PCDH9: variants seen among roughly 807,000 people sequenced by gnomAD.
PCDH9 encodes protocadherin 9, also known as protocadherin-9.
In PCDH9, 24 loss-of-function variants were observed where a neutral mutation model predicts 70.6. The ratio of observed to expected loss-of-function variants is 0.34; its 90% confidence interval spans 0.25 to 0.48. The LOEUF (loss-of-function observed/expected upper bound fraction) is 0.48. PCDH9 is among the 20% of genes least tolerant of loss of function. The pLI is 0.99. For synonymous variants in PCDH9, 562 were observed against 558.5 expected (o/e 1.01, Z -0.09); for missense variants, 1,281 against 1,503.6 (o/e 0.85, Z 2.45).
chr13:66,454,824 C>T (rs572632673), intron 4 of PCDH9, among the ~76,000 whole-genome samples: 1 of 152,050 alleles, frequency 6.6e-6, no homozygotes, highest in African/African-American at 2.4e-5. Context: ...TACTAAATTT[C>T]GAACTTCTGA....
At position 67,029,816 on chromosome 13, in the gene PCDH9, T is replaced by C. The variant is rs543554283; in HGVS notation, c.3037-126211A>G. 6.6e-5 allele frequency among the ~76,000 whole-genome samples: 10 copies of C among 152,328 alleles called. No individual in the cohort carries two copies. The East Asian group carries it at 1.7e-3, about 26-fold the overall frequency. On this transcript the variant is annotated intron_variant, in intron 2 of 4. Coordinates refer to ENST00000377865, the MANE Select transcript of PCDH9 (RefSeq NM_203487.3). ...CAACTCAATATTTTTAGTTTTTCTA[T>C]ATTATGTTTTCATCTTTTCCAGGTA...
intron 3 of PCDH9, among the ~76,000 whole-genome samples, chr13:66,675,677 T>C (rs2078233019): frequency 6.6e-6 from 1 of 152,130 alleles, no homozygotes; most frequent in Non-Finnish European, 1.5e-5. Flanking sequence ...CCTTGTAGGA[T>C]GAGTAAGTAG....
At chr13:66,551,068 T>C (rs1233467230) in intron 4 of PCDH9, among the ~76,000 whole-genome samples, 1 of 152,170 alleles carries the variant, frequency 6.6e-6, no homozygotes, top group Non-Finnish European at 1.5e-5. Flanking sequence ...AGGGTGACTA[T>C]AGTTAATTTT....
chr13:67,053,794 A>C (rs1039171013), intron 2 of PCDH9, among the ~76,000 whole-genome samples: 4 of 152,234 alleles, frequency 2.6e-5, no homozygotes, highest in Non-Finnish European at 5.9e-5. Flanking sequence ...CCCATGTTTG[A>C]AGCAAAAATC....
In PCDH9 at chr13:66,850,473, T is replaced by G. The variant is rs1197427415; in HGVS notation, c.3138+53031A>C. ...TTGCAGTGACCTAAGATTGTGCCACTGCACTCCAGCCTGGGCAACAAGAGT... is the reference window on the plus strand; with the variant it reads ...TTGCAGTGACCTAAGATTGTGCCACGGCACTCCAGCCTGGGCAACAAGAGT... On this transcript the variant is annotated intron_variant, in intron 3 of 4. Transcript: ENST00000377865. Among the ~76,000 whole-genome samples, 3 of 150,412 alleles carry G rather than the reference T, an allele frequency of 2.0e-5. No individual in the cohort carries two copies. In the East Asian group the frequency reaches 5.9e-4, roughly 30 times the overall value.
At chr13:67,008,526 T>G (rs952137852) in intron 2 of PCDH9, among the ~76,000 whole-genome samples, 11 of 152,146 alleles carry the variant, frequency 7.2e-5, no homozygotes, top group Admixed American at 1.3e-4. Context: ...ATAGACTTTT[T>G]ACATAGATAT....
chr13:66,380,034 T>C (rs181756908), intron 4 of PCDH9, among the ~76,000 whole-genome samples: 2 of 152,284 alleles, frequency 1.3e-5, no homozygotes, highest in East Asian at 3.9e-4. Flanking sequence ...ATATTTCACT[T>C]AGAATATATA....
rs572015832 is a variant in PCDH9, at chr13:66,781,715, A to C, written c.3138+121789T>G. Among the ~76,000 whole-genome samples the C allele has an allele frequency of 1.2e-4, 18 of 152,288 alleles. No homozygotes were observed. In the East Asian group the frequency reaches 2.1e-3, roughly 18 times the overall value. ...AAACATATAAATTCATGTATTTTAA[A>C]AGGTATTTTTGAGATTTGGATGCTT... On this transcript the variant is annotated intron_variant, in intron 3 of 4. Transcript: ENST00000377865.
chr13:66,576,201 C>A (rs1424073948), intron 4 of PCDH9, among the ~76,000 whole-genome samples: 1 of 151,628 alleles, frequency 6.6e-6, no homozygotes, highest in Non-Finnish European at 1.5e-5. Context: ...CACTTTATTT[C>A]TTTGATAGTT....
At chr13:66,985,740 A>G (rs778621301) in intron 2 of PCDH9, 3 of 152,040 alleles carry the variant, frequency 2.0e-5, no homozygotes, top group Admixed American at 6.6e-5. Flanking sequence ...CAACTACAAA[A>G]GCATGTAAAT....
At chr13:67,018,804 G>T (rs1034132598) in intron 2 of PCDH9, among the ~76,000 whole-genome samples, 2 of 151,958 alleles carry the variant, frequency 1.3e-5, no homozygotes, top group Non-Finnish European at 2.9e-5. Flanking sequence ...ATGCATCCTC[G>T]CATACTGACG....
chr13:66,306,732 C>G (rs1955473329), intron 4 of PCDH9, among the ~76,000 whole-genome samples: 1 of 151,850 alleles, frequency 6.6e-6, no homozygotes, highest in Admixed American at 6.6e-5. Context: ...TTTGTTTAAA[C>G]ACATATTCAT....
intron 2 of PCDH9, among the ~76,000 whole-genome samples, chr13:66,927,653 C>T (rs1465786708): frequency 6.6e-6 from 1 of 152,034 alleles, no homozygotes; most frequent in African/African-American, 2.4e-5. Flanking sequence ...TCCTCTTTCT[C>T]CTTGGCTTAT....
chr13:66,916,431 A>G (rs1362182411), intron 2 of PCDH9, among the ~76,000 whole-genome samples: 1 of 151,594 alleles, frequency 6.6e-6, no homozygotes, highest in Non-Finnish European at 1.5e-5. Flanking sequence ...GCTTAACTCA[A>G]TATTAAAATG....
At chr13:66,943,396 T>C (rs1406575706) in intron 2 of PCDH9, among the ~76,000 whole-genome samples, 2 of 152,036 alleles carry the variant, frequency 1.3e-5, no homozygotes, top group Non-Finnish European at 2.9e-5. Flanking sequence ...ATTTTCACCC[T>C]AGTTTTCTAT....
chr13:66,988,185 C>CT (rs1341988911), intron 2 of PCDH9, among the ~76,000 whole-genome samples: 2 of 151,940 alleles, frequency 1.3e-5, no homozygotes, highest in African/African-American at 4.8e-5. Context: ...CAAGTAAAGT[C>CT]TTTACTTCCT....
At chr13:67,182,265 C>G (rs2088637055) in intron 2 of PCDH9, among the ~76,000 whole-genome samples, 1 of 152,062 alleles carries the variant, frequency 6.6e-6, no homozygotes, top group Admixed American at 6.6e-5. Flanking sequence ...GAATATGTTC[C>G]AGACCTAAAT....
chr13:66,835,533 G>A (rs184698860), intron 3 of PCDH9, among the ~76,000 whole-genome samples: 76 of 152,312 alleles, frequency 5.0e-4, no homozygotes, highest in Admixed American at 4.4e-3. Context: ...CAGAGGTCAC[G>A]ACACAAAAGT....
chr13:66,722,940 C>T (rs544793951), intron 3 of PCDH9, among the ~76,000 whole-genome samples: 1 of 149,076 alleles, frequency 6.7e-6, no homozygotes, highest in East Asian at 2.0e-4. Flanking sequence ...TGTACTCCAG[C>T]CTGAGCATCA....
Sources: gnomAD v4.1 joint callset for allele counts (sites outside exome capture counted in the v4.1 genomes callset) on GRCh38, gnomAD v4.1.1 for gene constraint, MANE v1.5 for transcripts, NCBI Gene and HGNC (gene_info 2026-07-23, HGNC 2026-07-21) for gene names.